The following GPC5 variants were observed in gnomAD, a reference collection of about 807,000 sequenced individuals.
The protein encoded by GPC5 is glypican-5.
In GPC5, 47 loss-of-function variants were observed where a neutral mutation model predicts 53.9. That is an observed-to-expected ratio of 0.87 (90% CI 0.69 to 1.11). GPC5 has a LOEUF of 1.11. Ranked by LOEUF, GPC5 falls within the 50% of genes most tolerant of loss-of-function variation. The probability of loss-of-function intolerance (pLI) is 0.00; values close to 1 mark genes in which losing one functional copy is unlikely to be tolerated. For missense variants in GPC5, 748 were observed against 713.1 expected, an observed-to-expected ratio of 1.05 and a Z score of -0.56; for synonymous variants, 286 against 263.3, an observed-to-expected ratio of 1.09 and a Z score of -0.84.
chr13:92,154,664 G>C (rs948985986), intron 7 of GPC5, among the ~76,000 whole-genome samples: 7 of 152,050 alleles, frequency 4.6e-5, no homozygotes, highest in African/African-American at 1.7e-4. Context: ...AGTCCTTTGA[G>C]ATGACCCTTA....
intron 7 of GPC5, among the ~76,000 whole-genome samples, chr13:92,731,987 A>G (rs369871604): frequency 6.6e-6 from 1 of 151,350 alleles, no homozygotes; most frequent in Non-Finnish European, 1.5e-5. Context: ...AGATGGTGTA[A>G]AAGTACCATA....
At chr13:92,098,071 TG>T (rs2041435516) in intron 6 of GPC5, among the ~76,000 whole-genome samples, 1 of 152,204 alleles carries the variant, frequency 6.6e-6, no homozygotes, top group South Asian at 2.1e-4. Flanking sequence ...GGGAAACTCA[TG>T]TCACCAGGGT....
intron 5 of GPC5, among the ~76,000 whole-genome samples, chr13:91,805,476 C>T (rs2038205363): frequency 1.1e-5 from 1 of 92,564 alleles, no homozygotes; most frequent in Admixed American, 1.1e-4. Context: ...ATTAATTTGA[C>T]TTTGGTCAAA....
intron 7 of GPC5, among the ~76,000 whole-genome samples, chr13:92,732,897 C>T (rs1888843967): frequency 6.6e-6 from 1 of 151,564 alleles, no homozygotes. Flanking sequence ...GGTTCTTTCC[C>T]ATCCTGAGAT....
intron 7 of GPC5, among the ~76,000 whole-genome samples, chr13:92,750,749 A>C (rs755046101): frequency 6.6e-6 from 1 of 152,212 alleles, no homozygotes; most frequent in Non-Finnish European, 1.5e-5. Context: ...TTCTGAGTTA[A>C]GCACAAACTT....
intron 7 of GPC5, among the ~76,000 whole-genome samples, chr13:92,334,053 C>T (rs976356856): frequency 6.6e-6 from 1 of 152,126 alleles, no homozygotes; most frequent in Non-Finnish European, 1.5e-5. Flanking sequence ...ACTGACAAAA[C>T]CCCCTGGAAC....
At chr13:91,598,250 G>C (rs1303157080) in intron 2 of GPC5, among the ~76,000 whole-genome samples, 1 of 151,960 alleles carries the variant, frequency 6.6e-6, no homozygotes, top group Non-Finnish European at 1.5e-5. Flanking sequence ...GAAAAAGGTA[G>C]AAACTAGCTT....
intron 6 of GPC5, among the ~76,000 whole-genome samples, chr13:91,984,714 T>C (rs1358894549): frequency 6.6e-6 from 1 of 152,236 alleles, no homozygotes; most frequent in Non-Finnish European, 1.5e-5. Context: ...AAAGTGTTAG[T>C]TTAATGTTGT....
At position 92,366,336 on chromosome 13, in the gene GPC5, T is replaced by C. The variant is rs564727835; in HGVS notation, c.1561+221347T>C. On this transcript the variant is annotated intron_variant, in intron 7 of 7. Transcript: ENST00000377067. ...TTCTGGTCTTGCCCGGTTCTCTCAT[T>C]TATTCTCCCCACTATGATCTGAGAG... 2.4e-3 allele frequency among the ~76,000 whole-genome samples: 372 copies of C among 151,856 alleles called. 15 individuals carry two copies. Among genetic ancestry groups the C allele is most frequent in the African/African-American group, 8.8e-3 (364 of 41,136 alleles).
At chr13:92,701,185 T>C (rs1887727263) in intron 7 of GPC5, among the ~76,000 whole-genome samples, 1 of 152,104 alleles carries the variant, frequency 6.6e-6, no homozygotes, top group Admixed American at 6.6e-5. Context: ...CTTAAATATA[T>C]TAAAAAATTA....
At chr13:91,936,776 A>G (rs191626989) in intron 6 of GPC5, among the ~76,000 whole-genome samples, 100 of 152,136 alleles carry the variant, frequency 6.6e-4, no homozygotes, top group Admixed American at 5.2e-3. Context: ...CATGGGAGTC[A>G]ATTTGTTTGA....
chr13:91,540,202 A>G (rs1594227253), intron 2 of GPC5, among the ~76,000 whole-genome samples: 1 of 152,174 alleles, frequency 6.6e-6, no homozygotes, highest in Non-Finnish European at 1.5e-5. Context: ...TTACTTATCA[A>G]AACTAACAGC....
chr13:91,729,709 C>G (rs899652976), intron 4 of GPC5, among the ~76,000 whole-genome samples: 2 of 152,060 alleles, frequency 1.3e-5, no homozygotes, highest in African/African-American at 4.8e-5. Flanking sequence ...ATCTAAACAC[C>G]TACAATGATC....
intron 5 of GPC5, among the ~76,000 whole-genome samples, chr13:91,895,022 C>G (rs1192262224): frequency 2.0e-5 from 3 of 150,606 alleles, no homozygotes; most frequent in African/African-American, 7.4e-5. Context: ...TTTATCGAAG[C>G]TGGCCTTCTA....
intron 6 of GPC5, among the ~76,000 whole-genome samples, chr13:92,087,486 A>G (rs975835868): frequency 2.0e-5 from 3 of 152,188 alleles, no homozygotes; most frequent in African/African-American, 7.2e-5. Context: ...AAAAAATACC[A>G]AATTTTGCCA....
At chr13:92,467,173 A>G (rs975719108) in intron 7 of GPC5, among the ~76,000 whole-genome samples, 8 of 152,104 alleles carry the variant, frequency 5.3e-5, no homozygotes, top group African/African-American at 1.9e-4. Flanking sequence ...ACATCATAAG[A>G]CTGCTTAGAG....
chr13:92,800,502 A>G (rs972398568), intron 7 of GPC5, among the ~76,000 whole-genome samples: 12 of 152,024 alleles, frequency 7.9e-5, no homozygotes, highest in African/African-American at 2.6e-4. Flanking sequence ...TGGTAAAAGC[A>G]TTCTTAAATC....
intron 7 of GPC5, among the ~76,000 whole-genome samples, chr13:92,376,757 T>G (rs1193493273): frequency 1.3e-5 from 2 of 152,210 alleles, no homozygotes; most frequent in Non-Finnish European, 2.9e-5. Context: ...GGCTCACGCC[T>G]GTAATCCCAG....
chr13:92,611,993 G>A (rs1800637104), intron 7 of GPC5, among the ~76,000 whole-genome samples: 2 of 152,144 alleles, frequency 1.3e-5, no homozygotes, highest in South Asian at 4.1e-4. Flanking sequence ...TTAGCTCAGA[G>A]CTATTTTAGA....
Sources: gnomAD v4.1 joint callset for allele counts (sites outside exome capture counted in the v4.1 genomes callset) on GRCh38, gnomAD v4.1.1 for gene constraint, MANE v1.5 for transcripts, NCBI Gene and HGNC (gene_info 2026-07-23, HGNC 2026-07-21) for gene names.